Variants in HERC1 observed in about 807,000 individuals in gnomAD.
HERC1 encodes the protein probable E3 ubiquitin-protein ligase HERC1.
A neutral mutation model predicts 554.3 loss-of-function variants in HERC1; 160 were observed. The ratio of observed to expected loss-of-function variants is 0.29; its 90% CI spans 0.25 to 0.33. HERC1 has a LOEUF of 0.33. Among genes scored for constraint, HERC1 ranks in the 10% least tolerant of loss-of-function variants. The pLI is 1.00. For missense variants in HERC1, 4,919 were observed against 5,918.5 expected (o/e 0.83, Z 5.54); for synonymous variants, 2,175 against 2,131.7 (o/e 1.02, Z -0.56).
At chr15:63,722,997 T>C (rs1269644070) in intron 19 of HERC1, among the ~76,000 whole-genome samples, 185 bp downstream of exon 19, 2 of 152,094 alleles carry the variant, frequency 1.3e-5, no homozygotes, top group Middle Eastern at 3.2e-3. Context: ...AATACATGTA[T>C]ATAAAAAATA....
In HERC1 at chr15:63,718,294, A is replaced by C. The variant is rs141599959; in HGVS notation, c.3978+280T>G. ...TTCAAATGTGGCCCAATCAGCACAA[A>C]GAGAGGAATAATCATTCATATGATT... On this transcript the variant is annotated intron_variant, in intron 21 of 77. Coordinates refer to ENST00000443617, the MANE Select transcript of HERC1 (RefSeq NM_003922.4). This position sits in a 1 kb window ranked among gnomAD's most constrained non-coding sequence, Gnocchi z 4.2. 12 of 296,548 alleles carry C rather than the reference A, an allele frequency of 4.0e-5. No homozygotes were observed. The highest frequency in any genetic ancestry group is 6.9e-5 in the Non-Finnish European group (11 of 158,566). The allele number at this position is 296,548 out of a possible 1,614,324, so 18.4% of individuals were successfully genotyped here. A position where few individuals can be genotyped will look rare whatever the true frequency, so the allele number is the denominator to read the frequency against.
chr15:63,630,618 G>A lies in HERC1; in HGVS notation c.12814C>T (p.Pro4272Ser). Residue 4272 changes from proline (P) to serine (S), a missense_variant, in exon 69 of 78, where the codon CCA (proline) becomes TCA (serine). Transcript: ENST00000443617. ...TFGQDRLIGL[P>S]EGRARNHNRP... is the part of the protein sequence containing the mutation. The stretch of plus-strand genomic sequence containing the variant: ...TTGTGATTGCGAGCACGCCCCTCTG[G>A]CAAGCCTATCAGGCGATCTGAAAAA... 6.2e-7 allele frequency: 1 copy of A among 1,612,940 alleles called. No homozygotes were observed. The highest frequency in any genetic ancestry group is 8.5e-7 in the Non-Finnish European group (1 of 1,179,488).
intron 1 of HERC1, among the ~76,000 whole-genome samples, chr15:63,802,785 T>C (rs1288038420): frequency 6.6e-6 from 1 of 152,254 alleles, no homozygotes; most frequent in East Asian, 1.9e-4. Flanking sequence ...TAAGTTCCTA[T>C]AAGTGAGTTT....
intron 18 of HERC1, 137 bp downstream of exon 18, chr15:63,725,155 C>A: frequency 1.4e-6 from 1 of 727,350 alleles, no homozygotes; most frequent in South Asian, 1.9e-5. Flanking sequence ...GGCTCCAAGT[C>A]ATAGCCCCAG....
At chr15:63,641,152 T>C (rs1024762614) in intron 60 of HERC1, among the ~76,000 whole-genome samples, 2 of 152,186 alleles carry the variant, frequency 1.3e-5, no homozygotes, top group East Asian at 1.9e-4. Flanking sequence ...AAAATAGATA[T>C]ATGTGTGGGT....
In HERC1 at chr15:63,692,500, A is replaced by G. The variant is rs1595987782; in HGVS notation, c.5741T>C (p.Val1914Ala). 6.2e-7 allele frequency: 1 copy of G among 1,613,482 alleles called. No homozygotes were observed. The highest frequency in any genetic ancestry group is 8.5e-7 in the Non-Finnish European group (1 of 1,179,742). Residue 1914 changes from valine (V) to alanine (A), a missense_variant, in exon 31 of 78, where the codon GTT becomes GCT. By Grantham distance (64) the Val-to-Ala change is moderately conservative. Transcript: ENST00000443617. This position sits in a 1 kb window ranked among gnomAD's most constrained non-coding sequence, Gnocchi z 4.7. The stretch of plus-strand genomic sequence containing the variant: ...TGATTGAATTGCTTTTGAAGATACA[A>G]CTCTGCGAAGAAAAACTAAAAAATC... ...LGDFLVFLRR[V>A]VSSKAIQSKM...
intron 1 of HERC1, among the ~76,000 whole-genome samples, chr15:63,807,943 C>A (rs2077184118): frequency 6.6e-6 from 1 of 151,014 alleles, no homozygotes; most frequent in African/African-American, 2.4e-5. Context: ...TCTTTCTTAT[C>A]TTGGAATTTC....
intron 42 of HERC1, among the ~76,000 whole-genome samples, chr15:63,665,443 A>T (rs1355470312): frequency 6.6e-6 from 1 of 152,140 alleles, no homozygotes; most frequent in Non-Finnish European, 1.5e-5. Flanking sequence ...TGAGGCAGGG[A>T]ACTGCTTGAA....
chr15:63,631,743 G>A (rs1465669197), intron 68 of HERC1, among the ~76,000 whole-genome samples: 1 of 152,128 alleles, frequency 6.6e-6, no homozygotes, highest in Non-Finnish European at 1.5e-5. Context: ...GTTTCGCCAT[G>A]TTGGCCAGGC....
rs1378501976 is a variant in HERC1 at position 63,663,146 on chromosome 15, A to G, written c.8739T>C (p.Ser2913=). 1 of 1,614,028 alleles carries G rather than the reference A, an allele frequency of 6.2e-7. No individual in the cohort carries two copies. Among genetic ancestry groups the G allele is most frequent in the Admixed American group, 1.7e-5 (1 of 60,030 alleles). ...HRNQSRREGI[S]LQQDPGALYD... ...ACAACGCCCCTGGGTCTTGCTGCAA[A>G]GATATTCCTTCTCTCCGACTTTGAT... is the stretch of plus-strand genomic sequence containing the variant. Residue 2913 remains serine (S), a synonymous_variant, in exon 44 of 78, where the codon TCT becomes TCC. Coordinates refer to ENST00000443617, the MANE Select transcript of HERC1 (RefSeq NM_003922.4).
intron 8 of HERC1, among the ~76,000 whole-genome samples, chr15:63,751,086 A>C (rs1387530969): frequency 6.6e-6 from 1 of 152,208 alleles, no homozygotes; most frequent in East Asian, 1.9e-4. Flanking sequence ...TATACTCAAA[A>C]TCATCACAGA....
chr15:63,667,103 C>G (rs1417686073), intron 40 of HERC1, among the ~76,000 whole-genome samples: 1 of 152,132 alleles, frequency 6.6e-6, no homozygotes, highest in Non-Finnish European at 1.5e-5. Flanking sequence ...TCATGATGAG[C>G]TATAGTGTTG....
chr15:63,806,852 A>G (rs2077155135), intron 1 of HERC1, among the ~76,000 whole-genome samples: 1 of 152,164 alleles, frequency 6.6e-6, no homozygotes, highest in African/African-American at 2.4e-5. Context: ...TCACTCTTCA[A>G]TTCTCCTGCC....
At chr15:63,747,234 T>C (rs906179362) in intron 11 of HERC1, among the ~76,000 whole-genome samples, 151 bp from the exon 12 acceptor site, 8 of 151,842 alleles carry the variant, frequency 5.3e-5, no homozygotes, top group African/African-American at 1.9e-4. Context: ...CGGAGGTGGG[T>C]GGATCACCTG....
intron 1 of HERC1, among the ~76,000 whole-genome samples, chr15:63,789,332 C>T (rs1321665302): frequency 6.6e-5 from 10 of 150,492 alleles, no homozygotes; most frequent in Non-Finnish European, 1.2e-4. Context: ...CCTCGTGATC[C>T]GCCCGCCTCG....
At position 63,718,864 on chromosome 15, in the gene HERC1, A is replaced by G. The variant is rs1338930628; in HGVS notation, c.3776T>C (p.Leu1259Pro). 6.2e-7 allele frequency: 1 copy of G among 1,612,186 alleles called. No homozygotes were observed. Among genetic ancestry groups the G allele is most frequent in the African/African-American group, 1.3e-5 (1 of 74,894 alleles). The change falls in exon 20 of 78, where the codon CTC (leucine) becomes CCC (proline). Residue 1259 changes from leucine (L) to proline (P), a missense_variant. By Grantham distance (98) the Leu-to-Pro change is moderately conservative. This residue lies in a region of HERC1 where 1,121 missense variants were observed against 1,244.0 expected (regional missense o/e 0.90). Coordinates refer to ENST00000443617, the MANE Select transcript of HERC1 (RefSeq NM_003922.4). This position sits in a 1 kb window ranked among gnomAD's most constrained non-coding sequence, Gnocchi z 4.2. ...AACAAATCTAGACACAGTGTCCAAG[A>G]GTGACTCATTACTTAAAGTTGCACT... ...WDSATLSNESLLDTVSRFVLA... is the reference protein window; with the variant it reads ...WDSATLSNESPLDTVSRFVLA...
chr15:63,625,890 G>A, intron 71 of HERC1, 95 bp downstream of exon 71: 1 of 1,300,314 alleles, frequency 7.7e-7, no homozygotes, highest in Non-Finnish European at 1.1e-6. Context: ...ATTTTCCAAA[G>A]GCAGAGGGAA....
At position 63,658,627 on chromosome 15, in the gene HERC1, C is replaced by T; in HGVS notation, c.9516G>A (p.Val3172=). Residue 3172 remains valine (V), a synonymous_variant, in exon 48 of 78, where the codon GTG becomes GTA. Coordinates refer to ENST00000443617, the MANE Select transcript of HERC1 (RefSeq NM_003922.4). ...AALANPHDRV[V]ALRRVTAAAQ... is the part of the protein sequence containing the mutation. ...CAGCAGCAGTCACTCTCCTTAAAGC[C>T]ACCACACGGTCATGAGGGTTTGCTA... 6.2e-7 allele frequency: 1 copy of T among 1,613,992 alleles called. No homozygotes were observed. Among genetic ancestry groups the T allele is most frequent in the Non-Finnish European group, 8.5e-7 (1 of 1,179,864 alleles).
At chr15:63,779,369 G>A (rs2076212551) in intron 1 of HERC1, among the ~76,000 whole-genome samples, 2 of 152,118 alleles carry the variant, frequency 1.3e-5, no homozygotes, top group South Asian at 4.1e-4. Flanking sequence ...GCAAAGAGAT[G>A]AAATTACTTT....
Sources: gnomAD v4.1 joint callset for allele counts (sites outside exome capture counted in the v4.1 genomes callset) on GRCh38, gnomAD v4.1.1 for gene constraint, gnomAD v4.1.1 regional missense constraint, Gnocchi (gnomAD v3.1) non-coding constraint, MANE v1.5 for transcripts, NCBI Gene and HGNC (gene_info 2026-07-23, HGNC 2026-07-21) for gene names.